Variants in CPEB3 observed in about 807,000 individuals in gnomAD.
CPEB3 encodes the protein cytoplasmic polyadenylation element binding protein 3, also known as cytoplasmic polyadenylation element-binding protein 3.
CPEB3 carries 20 observed loss-of-function variants against 67.2 expected under a neutral mutation model. The ratio of observed to expected loss-of-function variants is 0.30; its 90% CI spans 0.21 to 0.43. The LOEUF is 0.43. Among genes scored for constraint, CPEB3 ranks in the 20% least tolerant of loss-of-function variants. The pLI is 1.00. For synonymous variants in CPEB3, 376 were observed against 393.1 expected (o/e 0.96, Z 0.51); for missense variants, 746 against 968.6 (o/e 0.77, Z 3.05).
At chr10:92,092,632 T>C (rs1590117020) in intron 7 of CPEB3, among the ~76,000 whole-genome samples, 2 of 152,030 alleles carry the variant, frequency 1.3e-5, no homozygotes, top group East Asian at 3.9e-4. Flanking sequence ...ATACAAAAAT[T>C]AGCTGGGTGT....
intron 7 of CPEB3, among the ~76,000 whole-genome samples, chr10:92,092,234 CAG>C (rs1232765094): frequency 1.3e-5 from 2 of 152,238 alleles, no homozygotes; most frequent in East Asian, 1.9e-4. Context: ...CTTTTAGAGA[CAG>C]AGTCTGCATT....
chr10:92,169,554 C>A (rs192551810), intron 4 of CPEB3, among the ~76,000 whole-genome samples: 513 of 152,344 alleles, frequency 3.4e-3, no homozygotes, highest in Non-Finnish European at 5.8e-3. Context: ...ATGGCAAGGA[C>A]CCATGGCCCC....
At chr10:92,131,371 C>T (rs557034488) in intron 6 of CPEB3, among the ~76,000 whole-genome samples, 2 of 152,258 alleles carry the variant, frequency 1.3e-5, no homozygotes, top group East Asian at 3.9e-4. Context: ...CTGCTCTGAC[C>T]AACCCTAACA....
intron 5 of CPEB3, 65 bp from the exon 6 acceptor site, chr10:92,143,183 G>A (rs887310112): frequency 2.1e-4 from 247 of 1,200,188 alleles, no homozygotes; most frequent in South Asian, 2.8e-4. Flanking sequence ...AACCAGAAGA[G>A]CACAAAACAT....
intron 4 of CPEB3, among the ~76,000 whole-genome samples, chr10:92,145,748 T>A (rs1846649133): frequency 6.6e-6 from 1 of 152,198 alleles, no homozygotes; most frequent in Non-Finnish European, 1.5e-5. Context: ...GCAGCTATGT[T>A]TTTTTCTTTC....
intron 8 of CPEB3, among the ~76,000 whole-genome samples, chr10:92,082,160 A>C (rs1331036210): frequency 6.6e-6 from 1 of 152,244 alleles, no homozygotes; most frequent in Non-Finnish European, 1.5e-5. Flanking sequence ...CCTACCACAG[A>C]GCACTAAGGT....
intron 1 of CPEB3, among the ~76,000 whole-genome samples, chr10:92,289,053 G>C (rs545252251): frequency 2.0e-4 from 31 of 152,176 alleles, no homozygotes; most frequent in Middle Eastern, 3.4e-3. Context: ...GATCAGCCTG[G>C]TCAACATGGT....
At chr10:92,093,515 T>G (rs1843710457) in intron 7 of CPEB3, among the ~76,000 whole-genome samples, 1 of 152,160 alleles carries the variant, frequency 6.6e-6, no homozygotes, top group Non-Finnish European at 1.5e-5. Context: ...ACTTTTTTTT[T>G]TTTGGGAGAT....
chr10:92,128,478 T>A (rs1374338849), intron 6 of CPEB3, among the ~76,000 whole-genome samples: 1 of 152,138 alleles, frequency 6.6e-6, no homozygotes, highest in Non-Finnish European at 1.5e-5. Flanking sequence ...AAAGGTGGCC[T>A]CTTTAAAAAT....
intron 6 of CPEB3, chr10:92,119,062 G>A (rs1845192709): frequency 6.4e-7 from 1 of 1,573,924 alleles, no homozygotes; most frequent in South Asian, 1.1e-5. Flanking sequence ...GACACTTGAT[G>A]TGAGACCTAG....
At chr10:92,101,108 T>C (rs1844165499) in intron 7 of CPEB3, among the ~76,000 whole-genome samples, 2 of 152,192 alleles carry the variant, frequency 1.3e-5, no homozygotes, top group Admixed American at 6.5e-5. Flanking sequence ...TTCATTTTCA[T>C]CTGTTCATCT....
At chr10:92,184,956 A>G (rs1226032966) in intron 3 of CPEB3, among the ~76,000 whole-genome samples, 1 of 152,210 alleles carries the variant, frequency 6.6e-6, no homozygotes. Context: ...TTTTTAACTT[A>G]ATACATTGTA....
At chr10:92,145,164 A>G (rs1433577708) in intron 4 of CPEB3, 79 bp from the exon 5 acceptor site, 1 of 1,539,724 alleles carries the variant, frequency 6.5e-7, no homozygotes, top group Admixed American at 1.8e-5. Context: ...TAGGACAATA[A>G]ATGCTCTATT....
intron 1 of CPEB3, among the ~76,000 whole-genome samples, chr10:92,245,946 G>A (rs1330592631): frequency 2.0e-5 from 3 of 152,110 alleles, no homozygotes; most frequent in Non-Finnish European, 2.9e-5. Context: ...GCTGAGGCAG[G>A]AGAATCACTA....
At chr10:92,112,126 C>CTTTTTTTTTT (rs201432910) in intron 6 of CPEB3, among the ~76,000 whole-genome samples, 1 of 122,032 alleles carries the variant, frequency 8.2e-6, no homozygotes, top group Non-Finnish European at 1.7e-5. Flanking sequence ...GACCACGTTC[C>CTTTTTTTTTT]TTTTTTTTTT....
chr10:92,135,072 C>A (rs1846027385), intron 6 of CPEB3, among the ~76,000 whole-genome samples: 1 of 152,098 alleles, frequency 6.6e-6, no homozygotes, highest in Non-Finnish European at 1.5e-5. Flanking sequence ...TAGGAGAAAA[C>A]CTAGGAAATA....
At chr10:92,208,941 G>C (rs1246563030) in intron 2 of CPEB3, among the ~76,000 whole-genome samples, 1 of 152,006 alleles carries the variant, frequency 6.6e-6, no homozygotes, top group Admixed American at 6.6e-5. Context: ...ATAATTCCTA[G>C]CATATGGCTC....
intron 2 of CPEB3, among the ~76,000 whole-genome samples, chr10:92,203,508 GTATATA>G (rs762019168): frequency 8.6e-6 from 1 of 116,574 alleles, no homozygotes; most frequent in East Asian, 2.1e-4. Context: ...ATATGTGTGT[GTATATA>G]TATATATATA....
chr10:92,084,507 G>T (rs1843291395), intron 8 of CPEB3, among the ~76,000 whole-genome samples: 1 of 152,194 alleles, frequency 6.6e-6, no homozygotes, highest in African/African-American at 2.4e-5. Context: ...GACTTAAGAA[G>T]AGGTTTTTGG....
Sources: allele counts gnomAD v4.1 joint callset (sites outside exome capture counted in the v4.1 genomes callset), GRCh38; gene constraint gnomAD v4.1.1; transcripts MANE v1.5; gene names NCBI Gene and HGNC (gene_info 2026-07-23, HGNC 2026-07-21).